TCF25: variants seen among roughly 807,000 people sequenced by gnomAD.
The protein encoded by TCF25 is ribosome quality control complex subunit TCF25.
TCF25 carries 41 observed loss-of-function variants against 83.1 expected under a neutral mutation model. The observed-to-expected ratio is 0.49, with a 90% confidence interval of 0.38 to 0.64. The LOEUF is 0.64. Among genes scored for constraint, TCF25 ranks in the 30% least tolerant of loss-of-function variants. The pLI, the probability that TCF25 is intolerant of heterozygous loss-of-function variation, is 0.00. For synonymous variants in TCF25, 458 were observed against 365.0 expected (o/e 1.25, Z -2.90); for missense variants, 979 against 914.5 (o/e 1.07, Z -0.91).
intron 7 of TCF25, among the ~76,000 whole-genome samples, chr16:89,894,406 A>G (rs28630471): frequency 0.34 from 49,869 of 147,792 alleles, 8,824 homozygotes; most frequent in African/African-American, 0.51. Context: ...GGCGGCCCTC[A>G]CGCAGCCGCC....
intron 16 of TCF25, among the ~76,000 whole-genome samples, chr16:89,908,290 CCTCCCAG>C (rs2045149014): frequency 6.9e-6 from 1 of 145,028 alleles, no homozygotes; most frequent in Non-Finnish European, 1.5e-5. Flanking sequence ...CCAGTTCCCA[CCTCCCAG>C]CTTCCTCCTC....
At chr16:89,899,597 G>A (rs1273106411) in intron 11 of TCF25, among the ~76,000 whole-genome samples, 2 of 152,104 alleles carry the variant, frequency 1.3e-5, no homozygotes, top group African/African-American at 2.4e-5. Context: ...GCGTGGTGGT[G>A]CATGCCTGTA....
chr16:89,888,369 C>T (rs182734186), intron 5 of TCF25, among the ~76,000 whole-genome samples: 1 of 152,148 alleles, frequency 6.6e-6, no homozygotes, highest in East Asian at 1.9e-4. Flanking sequence ...GGGCGGATCA[C>T]CTGAGTTCAC....
At position 89,904,125 on chromosome 16, in the gene TCF25, G is replaced by T; in HGVS notation, c.1389G>T (p.Leu463=). ...CCTCCGCTTCCCCTGCAGTCCTCCT[G>T]CCCCTGCTCGAGTCTTGCAGTGTGC... ...QALTMFPGVL[L]PLLESCSVRP... is the part of the protein sequence containing the mutation. Residue 463 remains leucine (L), a synonymous_variant, in exon 13 of 18, where the codon CTG becomes CTT. Transcript: ENST00000263346. The T allele has an allele frequency of 6.2e-7, 1 of 1,606,336 alleles. No homozygotes were observed. Among genetic ancestry groups the T allele is most frequent in the Non-Finnish European group, 8.5e-7 (1 of 1,176,666 alleles).
intron 5 of TCF25, among the ~76,000 whole-genome samples, chr16:89,888,977 G>A (rs2043221772): frequency 6.6e-6 from 1 of 151,238 alleles, no homozygotes; most frequent in African/African-American, 2.4e-5. Flanking sequence ...GTGAGCCATG[G>A]CGCCCGGCCC....
At chr16:89,906,690 C>T (rs1294540203) in intron 15 of TCF25, among the ~76,000 whole-genome samples, 1 of 152,078 alleles carries the variant, frequency 6.6e-6, no homozygotes, top group Non-Finnish European at 1.5e-5. Context: ...TAAGATAGAA[C>T]GAGTGAGAAA....
At chr16:89,883,222 C>A in intron 1 of TCF25, 129 bp from the exon 2 acceptor site, 2 of 1,254,620 alleles carry the variant, frequency 1.6e-6, no homozygotes, top group Non-Finnish European at 2.2e-6. Context: ...TGCATCTTTC[C>A]CGTCCAGCGT....
chr16:89,896,894 G>A (rs765992744), intron 9 of TCF25, among the ~76,000 whole-genome samples: 24 of 152,214 alleles, frequency 1.6e-4, no homozygotes, highest in Non-Finnish European at 2.9e-4. Flanking sequence ...CTGGTGGCGC[G>A]TGCCTGTGGT....
At chr16:89,874,640 T>G (rs369974269) in intron 1 of TCF25, 6 of 152,336 alleles carry the variant, frequency 3.9e-5, no homozygotes, top group African/African-American at 1.4e-4. Context: ...TATGGTTTGC[T>G]CATGCGGTCC....
At chr16:89,908,647 G>C (rs867841678) in intron 16 of TCF25, among the ~76,000 whole-genome samples, 95 of 15,576 alleles carry the variant, frequency 6.1e-3, no homozygotes, top group Middle Eastern at 0.036. Context: ...CCACCTCCCA[G>C]CTCCCACCTC....
intron 14 of TCF25, 41 bp from the exon 15 acceptor site, chr16:89,906,153 C>A: frequency 6.4e-7 from 1 of 1,572,084 alleles, no homozygotes; most frequent in Non-Finnish European, 8.7e-7. Context: ...ATTTCATTTG[C>A]TGTGCTTTAT....
At position 89,907,788 on chromosome 16, in the gene TCF25, C is replaced by G. The variant is rs369152548; in HGVS notation, c.1799+466C>G. 7.8e-3 allele frequency among the ~76,000 whole-genome samples: 124 copies of G among 15,998 alleles called. 6 individuals are homozygous for G. Among genetic ancestry groups the G allele is most frequent in the African/African-American group, 0.025 (44 of 1,778 alleles). The allele number at this position is 15,998 out of a possible 152,430, so 10.5% of individuals were successfully genotyped here. On this transcript the variant is annotated intron_variant, in intron 16 of 17. Transcript: ENST00000263346. ...CCCTCCTCCCAGTTCCCACCTCCCA[C>G]CTCCCAGCTCCCACCTCCCAACTCC...
chr16:89,885,710 A>G (rs954158664), intron 3 of TCF25, 138 bp from the exon 4 acceptor site: 13 of 711,696 alleles, frequency 1.8e-5, no homozygotes, highest in Non-Finnish European at 2.9e-5. Flanking sequence ...TGGATGGTAC[A>G]TAGTGTTTGA....
intron 1 of TCF25, among the ~76,000 whole-genome samples, chr16:89,877,444 T>C (rs1019414229): frequency 3.9e-5 from 6 of 152,260 alleles, no homozygotes; most frequent in Non-Finnish European, 7.4e-5. Flanking sequence ...CTAGAATCTT[T>C]TCTGAACTGA....
intron 9 of TCF25, among the ~76,000 whole-genome samples, chr16:89,897,427 C>G (rs8051500): frequency 6.6e-6 from 1 of 152,346 alleles, no homozygotes; most frequent in African/African-American, 2.4e-5. Flanking sequence ...GTTTCTCTGG[C>G]CGCCCTGGGT....
intron 6 of TCF25, among the ~76,000 whole-genome samples, chr16:89,893,284 G>T (rs1269974220): frequency 6.6e-6 from 1 of 152,222 alleles, no homozygotes; most frequent in African/African-American, 2.4e-5. Flanking sequence ...AAGCTCTGTG[G>T]CTTCAGAGGC....
At chr16:89,896,549 A>AT (rs869089266) in intron 9 of TCF25, among the ~76,000 whole-genome samples, 4,603 of 112,360 alleles carry the variant, frequency 0.041, 225 homozygotes, top group African/African-American at 0.088. Flanking sequence ...TCAAAACAGC[A>AT]TTTTTTTTTT....
chr16:89,896,175 C>A (rs149937681), intron 9 of TCF25, 92 bp downstream of exon 9: 51 of 1,234,092 alleles, frequency 4.1e-5, no homozygotes, highest in Non-Finnish European at 5.7e-5. Context: ...TCATGGCTGC[C>A]CTCCAGGGTG....
chr16:89,885,053 TCTGCCTGACGCCCTCTCCC>T, intron 3 of TCF25, among the ~76,000 whole-genome samples: 4 of 119,488 alleles, frequency 3.3e-5, no homozygotes, highest in Admixed American at 8.9e-5. Context: ...CCCCTCTCCC[TCTGCCTGACGCCCTCTCCC>T]TCTGCCTGAC....
Sources: allele counts gnomAD v4.1 joint callset (sites outside exome capture counted in the v4.1 genomes callset), GRCh38; gene constraint gnomAD v4.1.1; transcripts MANE v1.5; gene names NCBI Gene and HGNC (gene_info 2026-07-23, HGNC 2026-07-21).